Variants in FAM135B observed in about 807,000 individuals in gnomAD.
The protein encoded by FAM135B is family with sequence similarity 135 member B.
Under a neutral mutation model 127.7 loss-of-function variants are expected in FAM135B, and 43 were observed. The observed-to-expected ratio is 0.34, with a 90% CI of 0.26 to 0.43. The LOEUF (loss-of-function observed/expected upper bound fraction) is 0.43, where lower values mean the gene tolerates loss of function less well. FAM135B is among the 20% of genes least tolerant of loss of function. FAM135B has a pLI of 1.00. For synonymous variants in FAM135B, 670 were observed against 665.1 expected (o/e 1.01, Z -0.11); for missense variants, 1,558 against 1,725.6 (o/e 0.90, Z 1.72).
At chr8:138,140,733 A>G (rs2130585499) in intron 17 of FAM135B, among the ~76,000 whole-genome samples, 1 of 152,284 alleles carries the variant, frequency 6.6e-6, no homozygotes, top group East Asian at 1.9e-4. Context: ...ACATATATGT[A>G]TACATACATA....
intron 12 of FAM135B, among the ~76,000 whole-genome samples, chr8:138,166,535 C>A (rs1819942308): frequency 6.6e-6 from 1 of 152,202 alleles, no homozygotes; most frequent in African/African-American, 2.4e-5. Context: ...GCTGGAAACA[C>A]TGACCTATAA....
At chr8:138,240,052 A>G (rs930368791) in intron 7 of FAM135B, among the ~76,000 whole-genome samples, 4 of 152,118 alleles carry the variant, frequency 2.6e-5, no homozygotes, top group Admixed American at 6.5e-5. Flanking sequence ...AGTGTAAATG[A>G]CGAATTAATG....
chr8:138,230,707 A>C (rs1380369215), intron 7 of FAM135B, among the ~76,000 whole-genome samples: 1 of 152,180 alleles, frequency 6.6e-6, no homozygotes, highest in African/African-American at 2.4e-5. Context: ...TGAGGTAGAC[A>C]GTGGGAACAT....
intron 7 of FAM135B, among the ~76,000 whole-genome samples, chr8:138,211,431 T>C (rs1352441330): frequency 1.3e-5 from 2 of 152,192 alleles, no homozygotes; most frequent in Non-Finnish European, 2.9e-5. Context: ...TCAACATTAA[T>C]AGCTCAAAAA....
intron 1 of FAM135B, among the ~76,000 whole-genome samples, chr8:138,473,830 C>CAGAGAG (rs35738290): frequency 2.0e-5 from 3 of 148,230 alleles, no homozygotes; most frequent in African/African-American, 4.9e-5. Context: ...ATATGAGAGA[C>CAGAGAG]AGAGAGAGAG....
intron 4 of FAM135B, among the ~76,000 whole-genome samples, chr8:138,257,076 T>C (rs935034307): frequency 6.6e-6 from 1 of 152,196 alleles, no homozygotes; most frequent in African/African-American, 2.4e-5. Context: ...TAGAATCCCA[T>C]CTGGGGCAAG....
chr8:138,231,431 T>C (rs1465985709), intron 7 of FAM135B, among the ~76,000 whole-genome samples: 2 of 152,216 alleles, frequency 1.3e-5, no homozygotes, highest in East Asian at 1.9e-4. Flanking sequence ...AACATAACCG[T>C]TGTCCACATC....
chr8:138,422,954 G>C (rs981916478), intron 1 of FAM135B, among the ~76,000 whole-genome samples: 1 of 152,190 alleles, frequency 6.6e-6, no homozygotes, highest in African/African-American at 2.4e-5. Context: ...ATGAAATCAT[G>C]TTCTTTGCCG....
intron 2 of FAM135B, among the ~76,000 whole-genome samples, chr8:138,312,105 C>T (rs911936249): frequency 6.6e-6 from 1 of 152,102 alleles, no homozygotes; most frequent in African/African-American, 2.4e-5. Flanking sequence ...CACCACCACG[C>T]CTGGCTAATT....
chr8:138,397,126 T>C (rs1832896008), intron 1 of FAM135B, among the ~76,000 whole-genome samples: 1 of 152,132 alleles, frequency 6.6e-6, no homozygotes, highest in South Asian at 2.1e-4. Flanking sequence ...TGAGCTGCTT[T>C]AGTAGATTCA....
intron 2 of FAM135B, among the ~76,000 whole-genome samples, chr8:138,344,867 G>T (rs192872667): frequency 1.3e-5 from 2 of 152,068 alleles, no homozygotes; most frequent in Admixed American, 1.3e-4. Context: ...GAGCCACCGC[G>T]CCTGGCTTCT....
chr8:138,159,240 C>A (rs1819102074), intron 12 of FAM135B, among the ~76,000 whole-genome samples: 1 of 121,320 alleles, frequency 8.2e-6, no homozygotes, highest in Non-Finnish European at 1.6e-5. Flanking sequence ...CCACTGCAGT[C>A]TGCAGTCCGG....
In FAM135B at chr8:138,141,759, C is replaced by A. The variant is rs1355382173; in HGVS notation, c.3639-410G>T. Among the ~76,000 whole-genome samples, 3 of 152,158 alleles carry A rather than the reference C, an allele frequency of 2.0e-5. No homozygotes were observed. Among genetic ancestry groups the A allele is most frequent in the Admixed American group, 6.5e-5 (1 of 15,278 alleles). On this transcript the variant is annotated intron_variant, in intron 16 of 19. Transcript: ENST00000395297. This position sits in a 1 kb window ranked among gnomAD's most constrained non-coding sequence, Gnocchi z 4.7. ...GGCCATTCATATACGGATGGCCTCA[C>A]AATGCCATTCATCCTCTCCTTCACC...
chr8:138,248,685 C>G (rs536371232), intron 6 of FAM135B, among the ~76,000 whole-genome samples: 1 of 151,724 alleles, frequency 6.6e-6, no homozygotes, highest in Non-Finnish European at 1.5e-5. Context: ...CCAAGCATGA[C>G]GGCTCCTGCC....
intron 7 of FAM135B, among the ~76,000 whole-genome samples, chr8:138,206,383 TC>T (rs1320952676): frequency 6.7e-6 from 1 of 148,662 alleles, no homozygotes; most frequent in Non-Finnish European, 1.5e-5. Context: ...AACTCTATCA[TC>T]CCCTCCACCT....
intron 7 of FAM135B, among the ~76,000 whole-genome samples, chr8:138,233,972 A>G (rs1302541153): frequency 6.6e-6 from 1 of 152,208 alleles, no homozygotes; most frequent in Admixed American, 6.5e-5. Flanking sequence ...CAAATAAAAA[A>G]CAAAATGAGA....
chr8:138,343,851 T>TTTGG (rs1196049260), intron 2 of FAM135B, among the ~76,000 whole-genome samples: 1 of 152,188 alleles, frequency 6.6e-6, no homozygotes, highest in African/African-American at 2.4e-5. Flanking sequence ...AGTGCACTGG[T>TTTGG]TTGGTTGTTT....
chr8:138,295,971 T>A (rs75367822), intron 3 of FAM135B, among the ~76,000 whole-genome samples: 1 of 152,120 alleles, frequency 6.6e-6, no homozygotes, highest in Non-Finnish European at 1.5e-5. Context: ...CAGAAAGCAG[T>A]CCAGCCTGAG....
chr8:138,441,864 C>T (rs1476145697), intron 1 of FAM135B: 3 of 151,340 alleles, frequency 2.0e-5, no homozygotes, highest in African/African-American at 7.3e-5. Flanking sequence ...GTCTTGATGA[C>T]AGAGAATATG....
Sources: gnomAD v4.1 joint callset for allele counts (sites outside exome capture counted in the v4.1 genomes callset) on GRCh38, gnomAD v4.1.1 for gene constraint, Gnocchi (gnomAD v3.1) non-coding constraint, MANE v1.5 for transcripts, NCBI Gene and HGNC (gene_info 2026-07-23, HGNC 2026-07-21) for gene names.